The following PDE3A variants were observed in gnomAD, a reference collection of about 807,000 sequenced individuals.
The protein encoded by PDE3A is phosphodiesterase 3A.
A neutral mutation model predicts 98.3 loss-of-function variants in PDE3A; 43 were observed. The ratio of observed to expected loss-of-function variants is 0.44; its 90% CI spans 0.34 to 0.56. The LOEUF is 0.56. Ranked by LOEUF, PDE3A falls within the 20% of genes least tolerant of loss-of-function variation. The pLI is 0.01. For synonymous variants in PDE3A, 663 were observed against 567.9 expected (o/e 1.17, Z -2.38); for missense variants, 1,427 against 1,440.7 (o/e 0.99, Z 0.15).
intron 1 of PDE3A, among the ~76,000 whole-genome samples, chr12:20,540,444 A>G (rs1592035796): frequency 6.6e-6 from 1 of 152,072 alleles, no homozygotes; most frequent in East Asian, 1.9e-4. Flanking sequence ...TTGATTCTGA[A>G]AAGTTGGATT....
intron 15 of PDE3A, among the ~76,000 whole-genome samples, chr12:20,678,217 C>G (rs1392219485): frequency 6.6e-6 from 1 of 152,158 alleles, no homozygotes; most frequent in Non-Finnish European, 1.5e-5. Flanking sequence ...CTTAATCTTT[C>G]CTCATATTTT....
At chr12:20,532,856 C>T (rs974678611) in intron 1 of PDE3A, among the ~76,000 whole-genome samples, 49 of 152,004 alleles carry the variant, frequency 3.2e-4, no homozygotes, top group African/African-American at 1.2e-3. Flanking sequence ...GCCCGGCTAA[C>T]TTTTTGTATT....
intron 1 of PDE3A, among the ~76,000 whole-genome samples, chr12:20,464,072 T>C (rs1344982604): frequency 2.6e-5 from 4 of 152,200 alleles, no homozygotes; most frequent in Non-Finnish European, 1.5e-5. Context: ...AATGATACTG[T>C]TAGGCTCACA....
intron 6 of PDE3A, among the ~76,000 whole-genome samples, chr12:20,632,277 G>A (rs1353141856): frequency 2.6e-5 from 4 of 152,020 alleles, no homozygotes; most frequent in African/African-American, 9.7e-5. Flanking sequence ...ACACTCAAGG[G>A]TTGAAAAGTA....
chr12:20,452,715 G>T (rs1945087369), intron 1 of PDE3A, among the ~76,000 whole-genome samples: 1 of 152,152 alleles, frequency 6.6e-6, no homozygotes, highest in African/African-American at 2.4e-5. Flanking sequence ...GTAGAATTGT[G>T]CAACAGTCAC....
rs1944891854 is a variant in PDE3A at position 20,650,538 on chromosome 12, G to A, written c.2863G>A (p.Ala955Thr). The change falls in exon 14 of 16, where the codon GCT (alanine) becomes ACT (threonine). Residue 955 changes from alanine to threonine, a missense_variant. By Grantham distance (58) the Ala-to-Thr change is moderately conservative. This residue lies in a region of PDE3A where 273 missense variants were observed against 420.3 expected (regional missense o/e 0.65). Transcript: ENST00000359062. ...CIKLADINGP[A>T]KCKELHLQWT... ...AAAGTTGGCTGATATCAATGGTCCA[G>A]CTAAATGTAAAGAACTCCATCTTCA... 6.2e-7 allele frequency: 1 copy of A among 1,611,920 alleles called. No homozygotes were observed. Among genetic ancestry groups the A allele is most frequent in the Non-Finnish European group, 8.5e-7 (1 of 1,178,310 alleles).
At chr12:20,427,147 G>T (rs1465859441) in intron 1 of PDE3A, among the ~76,000 whole-genome samples, 1 of 152,210 alleles carries the variant, frequency 6.6e-6, no homozygotes, top group Non-Finnish European at 1.5e-5. Flanking sequence ...AATTAAGAAT[G>T]ATTTCATGCA....
chr12:20,625,098 A>G (rs1229216566), intron 5 of PDE3A, among the ~76,000 whole-genome samples: 1 of 152,198 alleles, frequency 6.6e-6, no homozygotes, highest in African/African-American at 2.4e-5. Flanking sequence ...TCTTTGCGCA[A>G]ATCAAGTAAA....
intron 5 of PDE3A, among the ~76,000 whole-genome samples, chr12:20,623,849 G>GAAC: frequency 6.6e-6 from 1 of 150,686 alleles, no homozygotes; most frequent in African/African-American, 2.4e-5. Flanking sequence ...AGAAGAAGAA[G>GAAC]AAGAGAAAGT....
At chr12:20,585,394 TCA>T (rs751422348) in intron 2 of PDE3A, among the ~76,000 whole-genome samples, 1 of 152,214 alleles carries the variant, frequency 6.6e-6, no homozygotes, top group Non-Finnish European at 1.5e-5. Flanking sequence ...TTTTCAAGAT[TCA>T]CACAGTTTCA....
intron 1 of PDE3A, among the ~76,000 whole-genome samples, chr12:20,402,934 A>G (rs1368461024): frequency 6.6e-6 from 1 of 152,158 alleles, no homozygotes; most frequent in African/African-American, 2.4e-5. Flanking sequence ...AGGAAACAGA[A>G]AAGTCTTGTG....
intron 2 of PDE3A, among the ~76,000 whole-genome samples, chr12:20,560,362 G>A (rs1254804430): frequency 2.0e-5 from 3 of 152,180 alleles, no homozygotes; most frequent in Non-Finnish European, 4.4e-5. Context: ...GAGACCAGGT[G>A]GAGGAGAAAT....
At chr12:20,611,959 C>T (rs143003941) in intron 2 of PDE3A, among the ~76,000 whole-genome samples, 3 of 151,214 alleles carry the variant, frequency 2.0e-5, no homozygotes, top group African/African-American at 7.3e-5. Flanking sequence ...CACTGCTATA[C>T]CCTTTGTGTT....
chr12:20,435,529 G>A (rs1944766083), intron 1 of PDE3A, among the ~76,000 whole-genome samples: 1 of 152,102 alleles, frequency 6.6e-6, no homozygotes, highest in Non-Finnish European at 1.5e-5. Flanking sequence ...CTGGGAGGTA[G>A]GAAGATTGGT....
chr12:20,442,676 T>G (rs1187016405), intron 1 of PDE3A, among the ~76,000 whole-genome samples: 1 of 152,224 alleles, frequency 6.6e-6, no homozygotes, highest in East Asian at 1.9e-4. Flanking sequence ...AAATTTATGT[T>G]CACTAGTAGT....
intron 1 of PDE3A, among the ~76,000 whole-genome samples, chr12:20,392,821 T>C (rs1943943370): frequency 6.6e-6 from 1 of 152,024 alleles, no homozygotes; most frequent in Non-Finnish European, 1.5e-5. Flanking sequence ...ATACTGTCAT[T>C]TGCAGCAACA....
intron 1 of PDE3A, among the ~76,000 whole-genome samples, chr12:20,385,677 A>G (rs1943742995): frequency 6.6e-6 from 1 of 151,486 alleles, no homozygotes; most frequent in African/African-American, 2.4e-5. Context: ...TTCTCAGCAA[A>G]CTATCGCAAG....
At chr12:20,485,257 T>C (rs1945705817) in intron 1 of PDE3A, among the ~76,000 whole-genome samples, 1 of 152,160 alleles carries the variant, frequency 6.6e-6, no homozygotes, top group Admixed American at 6.5e-5. Flanking sequence ...CCTTGGCTTG[T>C]AATGGCATTC....
intron 9 of PDE3A, among the ~76,000 whole-genome samples, chr12:20,638,303 A>C (rs975239953): frequency 2.0e-5 from 3 of 152,182 alleles, no homozygotes; most frequent in Non-Finnish European, 4.4e-5. Flanking sequence ...TTCTACAAGC[A>C]CATATGGCTG....
Sources: allele counts gnomAD v4.1 joint callset (sites outside exome capture counted in the v4.1 genomes callset), GRCh38; gene constraint gnomAD v4.1.1; regional missense constraint gnomAD v4.1.1; transcripts MANE v1.5; gene names NCBI Gene and HGNC (gene_info 2026-07-23, HGNC 2026-07-21).